ALDH2: variants seen among roughly 807,000 people sequenced by gnomAD.
ALDH2 encodes the protein aldehyde dehydrogenase 2 family member, also known as aldehyde dehydrogenase, mitochondrial.
In ALDH2, 44 loss-of-function variants were observed where a neutral mutation model predicts 59.6. The ratio of observed to expected loss-of-function variants is 0.74; its 90% CI spans 0.58 to 0.95. The LOEUF is 0.95. Ranked by LOEUF, ALDH2 falls within the 40% of genes least tolerant of loss-of-function variation. The probability of loss-of-function intolerance (pLI) is 0.00; values close to 1 mark genes in which losing one functional copy is unlikely to be tolerated. For missense variants in ALDH2, 570 were observed against 696.3 expected, an observed-to-expected ratio of 0.82 and a Z score of 2.04; for synonymous variants, 291 against 284.0, an observed-to-expected ratio of 1.02 and a Z score of -0.25.
At chr12:111,795,596 CT>C (rs112888725) in intron 9 of ALDH2, among the ~76,000 whole-genome samples, 187 of 129,224 alleles carry the variant, frequency 1.4e-3, no homozygotes, top group Admixed American at 1.5e-3. Context: ...CATTTCTTTT[CT>C]TTTTTTTTTT....
intron 1 of ALDH2, chr12:111,775,712 G>T (rs989224593): frequency 4.4e-6 from 2 of 455,484 alleles, no homozygotes; most frequent in Admixed American, 2.4e-5. Flanking sequence ...GAGCGTTTAC[G>T]TGTGTTATGT....
intron 12 of ALDH2, 103 bp from the exon 13 acceptor site, chr12:111,809,432 GAGAAAAAA>G (rs1165313363): frequency 1.7e-6 from 2 of 1,209,910 alleles, no homozygotes; most frequent in East Asian, 4.7e-5. Flanking sequence ...CCAGTCTGGG[GAGAAAAAA>G]AGAAAAGCCC....
At chr12:111,804,776 A>C (rs958264591) in intron 12 of ALDH2, among the ~76,000 whole-genome samples, 1 of 151,960 alleles carries the variant, frequency 6.6e-6, no homozygotes, top group African/African-American at 2.4e-5. Flanking sequence ...AAGAAAAAAG[A>C]ATTAGCTATT....
intron 4 of ALDH2, among the ~76,000 whole-genome samples, chr12:111,789,591 G>A (rs2068340142): frequency 6.6e-6 from 1 of 152,130 alleles, no homozygotes; most frequent in African/African-American, 2.4e-5. Flanking sequence ...ATGGACTCCT[G>A]GGATCTGGTG....
Position 111,803,843 on chromosome 12 carries a change from T to C in ALDH2, c.1407-16T>C. ...ACCCCCAAGAGTGATTTCTGCAATCTCGTTTCAAATTACAGGGTCAACTGC... is the reference window on the plus strand; with the variant it reads ...ACCCCCAAGAGTGATTTCTGCAATCCCGTTTCAAATTACAGGGTCAACTGC... On this transcript the variant is annotated splice_polypyrimidine_tract_variant and intron_variant, in intron 11 of 12. Coordinates refer to ENST00000261733, the MANE Select transcript of ALDH2 (RefSeq NM_000690.4). 6.3e-7 allele frequency: 1 copy of C among 1,587,626 alleles called. No homozygotes were observed. The highest frequency in any genetic ancestry group is 1.1e-5 in the South Asian group (1 of 88,504).
At chr12:111,774,436 C>T (rs1274787751) in intron 1 of ALDH2, among the ~76,000 whole-genome samples, 4 of 152,142 alleles carry the variant, frequency 2.6e-5, no homozygotes, top group Non-Finnish European at 4.4e-5. Context: ...GAGCACATGC[C>T]GTTGGGATCA....
intron 7 of ALDH2, 48 bp from the exon 8 acceptor site, chr12:111,792,013 C>A: frequency 1.6e-6 from 2 of 1,265,956 alleles, no homozygotes; most frequent in African/African-American, 1.5e-5. Context: ...GTGCTGGACT[C>A]TTTTCTCCCG....
intron 1 of ALDH2, among the ~76,000 whole-genome samples, chr12:111,778,660 C>T (rs2068250549): frequency 6.6e-6 from 1 of 151,606 alleles, no homozygotes; most frequent in African/African-American, 2.4e-5. Context: ...GGTGAAACCC[C>T]GTCTCTACTA....
Position 111,785,365 on chromosome 12 carries a change from T to C in ALDH2, c.440+19T>C, listed in dbSNP as rs1453629907. 2 of 1,603,602 alleles carry C rather than the reference T, an allele frequency of 1.2e-6. No homozygotes were observed. Among genetic ancestry groups the C allele is most frequent in the Non-Finnish European group, 1.7e-6 (2 of 1,170,504 alleles). ...GTCTCCGGTATGGGCTCAGCTTTCC[T>C]GTTCTTTGTTCTGGCAGGGGAAAAG... is the stretch of plus-strand genomic sequence containing the variant. On this transcript the variant is annotated intron_variant, in intron 4 of 12. Transcript: ENST00000261733.
rs1263350729 is a variant in ALDH2, at chr12:111,809,617, CA to C, written c.*43del. The C allele has an allele frequency of 2.5e-6, 4 of 1,606,690 alleles. No individual in the cohort carries two copies. In the Admixed American group the frequency reaches 6.7e-5, roughly 27 times the overall value. ...CTCCCTCAGCCATTGATGGAAAGTT[CA>C]GCAAGATCAGCAACAAAACCAAGAA... On this transcript the variant is annotated 3_prime_UTR_variant, in exon 13 of 13. Transcript: ENST00000261733.
chr12:111,774,015 G>A (rs2136008156), intron 1 of ALDH2, among the ~76,000 whole-genome samples: 1 of 152,342 alleles, frequency 6.6e-6, no homozygotes, highest in Non-Finnish European at 1.5e-5. Flanking sequence ...CGCATAGGGA[G>A]TGGTGAAACT....
intron 11 of ALDH2, among the ~76,000 whole-genome samples, chr12:111,802,608 C>T (rs2068461607): frequency 4.1e-5 from 6 of 147,274 alleles, no homozygotes. Context: ...GGGCAGGGCG[C>T]TGTGGTTCAC....
At chr12:111,784,045 C>T (rs1182052995) in intron 3 of ALDH2, among the ~76,000 whole-genome samples, 1 of 152,234 alleles carries the variant, frequency 6.6e-6, no homozygotes, top group Non-Finnish European at 1.5e-5. Flanking sequence ...GCAGATTATA[C>T]ATGGCACTCT....
chr12:111,772,438 C>T (rs1330659845), intron 1 of ALDH2, among the ~76,000 whole-genome samples: 2 of 152,058 alleles, frequency 1.3e-5, no homozygotes, highest in Non-Finnish European at 2.9e-5. Context: ...GATCACGGCT[C>T]ACTGCAACCT....
chr12:111,777,654 C>T (rs975564272), intron 1 of ALDH2, among the ~76,000 whole-genome samples: 1 of 152,176 alleles, frequency 6.6e-6, no homozygotes, highest in Non-Finnish European at 1.5e-5. Context: ...ACTCCCTTCT[C>T]CTCCACGGGC....
chr12:111,775,695 C>T (rs2068230100), intron 1 of ALDH2: 2 of 455,560 alleles, frequency 4.4e-6, no homozygotes, highest in Admixed American at 2.4e-5. Flanking sequence ...CACCACGCCC[C>T]GCCCAAGAGC....
chr12:111,777,686 T>C (rs1372020115), intron 1 of ALDH2, among the ~76,000 whole-genome samples: 1 of 152,112 alleles, frequency 6.6e-6, no homozygotes, highest in Admixed American at 6.6e-5. Flanking sequence ...GAGCTGACTT[T>C]CAGAGTCGGG....
At chr12:111,792,860 T>C (rs990418695) in intron 9 of ALDH2, 78 bp downstream of exon 9, 2 of 1,448,504 alleles carry the variant, frequency 1.4e-6, no homozygotes, top group Non-Finnish European at 1.8e-6. Context: ...CTCAGATCAG[T>C]TGGGACTGGG....
intron 1 of ALDH2, among the ~76,000 whole-genome samples, chr12:111,781,466 C>G (rs145567970): frequency 2.2e-4 from 33 of 152,242 alleles, no homozygotes; most frequent in African/African-American, 7.9e-4. Flanking sequence ...TGGTGCCAGA[C>G]GAGTAAGTGC....
Sources: allele counts gnomAD v4.1 joint callset (sites outside exome capture counted in the v4.1 genomes callset), GRCh38; gene constraint gnomAD v4.1.1; transcripts MANE v1.5; gene names NCBI Gene and HGNC (gene_info 2026-07-23, HGNC 2026-07-21).